Variants in SUGCT observed in about 807,000 individuals in gnomAD.
The protein encoded by SUGCT is succinyl-CoA:glutarate CoA-transferase.
A neutral mutation model predicts 55.0 loss-of-function variants in SUGCT; 41 were observed. The ratio of observed to expected loss-of-function variants is 0.74; its 90% CI spans 0.58 to 0.97. The LOEUF (loss-of-function observed/expected upper bound fraction) is 0.97. Among genes scored for constraint, SUGCT ranks in the 50% least tolerant of loss-of-function variants. The pLI is 0.00. For missense variants in SUGCT, 568 were observed against 547.8 expected, an observed-to-expected ratio of 1.04 and a Z score of -0.37; for synonymous variants, 187 against 200.4, an observed-to-expected ratio of 0.93 and a Z score of 0.56.
intron 12 of SUGCT, among the ~76,000 whole-genome samples, chr7:40,730,191 T>C (rs1168814805): frequency 2.6e-5 from 4 of 152,156 alleles, no homozygotes; most frequent in African/African-American, 9.7e-5. Flanking sequence ...CATTGCAAGC[T>C]CCGCCTCTCA....
At chr7:40,601,940 C>T (rs560819925) in intron 12 of SUGCT, among the ~76,000 whole-genome samples, 8 of 152,210 alleles carry the variant, frequency 5.3e-5, no homozygotes, top group African/African-American at 1.7e-4. Flanking sequence ...CCTGAGAGTT[C>T]GCATTTTAAA....
the SUGCT span, among the ~76,000 whole-genome samples, chr7:40,960,849 A>G: frequency 1.3e-5 from 2 of 152,228 alleles, no homozygotes; most frequent in South Asian, 2.1e-4. Context: ...AAGTTAATGC[A>G]TTAGTCCACA....
At chr7:40,187,441 A>T (rs7793901) in intron 3 of SUGCT, among the ~76,000 whole-genome samples, 15,814 of 152,060 alleles carry the variant, frequency 0.1, 2,627 homozygotes, top group African/African-American at 0.35. Context: ...ATAATAATAA[A>T]AAAAAAAAGA....
At chr7:40,872,764 C>T in the SUGCT span, among the ~76,000 whole-genome samples, 1 of 152,206 alleles carries the variant, frequency 6.6e-6, no homozygotes, top group Admixed American at 6.5e-5. Context: ...AACTGTACCC[C>T]TTTTGGGTAT....
At chr7:40,982,656 AT>A in the SUGCT span, among the ~76,000 whole-genome samples, 12 of 149,642 alleles carry the variant, frequency 8.0e-5, no homozygotes, top group East Asian at 3.9e-4. Context: ...TCTCTTTTTG[AT>A]TTTTTTTTTA....
chr7:40,913,449 A>T, the SUGCT span, among the ~76,000 whole-genome samples: 1 of 152,236 alleles, frequency 6.6e-6, no homozygotes, highest in East Asian at 1.9e-4. Context: ...ATAAAACAGT[A>T]CCCTTGCTAT....
chr7:40,997,694 A>G, the SUGCT span, among the ~76,000 whole-genome samples: 1 of 152,180 alleles, frequency 6.6e-6, no homozygotes, highest in African/African-American at 2.4e-5. Flanking sequence ...TTTCCCATGT[A>G]ATTTTGAAAT....
intron 9 of SUGCT, among the ~76,000 whole-genome samples, chr7:40,448,623 G>A (rs1471515483): frequency 1.3e-5 from 2 of 152,034 alleles, no homozygotes; most frequent in East Asian, 1.9e-4. Context: ...TGAGGTAAGC[G>A]GATCTCGAGC....
chr7:40,666,315 C>T (rs1007857143), intron 12 of SUGCT, among the ~76,000 whole-genome samples: 9 of 143,998 alleles, frequency 6.3e-5, no homozygotes, highest in African/African-American at 1.9e-4. Context: ...ACACCTTGCA[C>T]TCCAGCCTGG....
At chr7:40,991,110 C>T in the SUGCT span, among the ~76,000 whole-genome samples, 6 of 152,302 alleles carry the variant, frequency 3.9e-5, no homozygotes, top group South Asian at 2.1e-4. Flanking sequence ...TCATTTCCAG[C>T]GTTTGATTTA....
chr7:40,261,538 G>A (rs2150963176), intron 7 of SUGCT, among the ~76,000 whole-genome samples: 1 of 152,254 alleles, frequency 6.6e-6, no homozygotes, highest in East Asian at 1.9e-4. Context: ...AGGAAACAAT[G>A]CTAGCTCCTT....
intron 7 of SUGCT, among the ~76,000 whole-genome samples, chr7:40,270,417 A>G (rs2150987056): frequency 6.6e-6 from 1 of 152,212 alleles, no homozygotes; most frequent in African/African-American, 2.4e-5. Flanking sequence ...TTTTTGGTCC[A>G]TTTAGAGTCA....
At chr7:40,644,850 G>A (rs558316965) in intron 12 of SUGCT, among the ~76,000 whole-genome samples, 2 of 152,272 alleles carry the variant, frequency 1.3e-5, no homozygotes, top group South Asian at 2.1e-4. Context: ...GGGTTTACCC[G>A]AGTTGCTTTG....
chr7:40,639,901 C>A (rs980377231), intron 12 of SUGCT, among the ~76,000 whole-genome samples: 1 of 152,066 alleles, frequency 6.6e-6, no homozygotes, highest in Non-Finnish European at 1.5e-5. Context: ...TCAATAAATG[C>A]TTTTTATTAT....
intron 13 of SUGCT, among the ~76,000 whole-genome samples, chr7:40,771,152 G>GC (rs1789083169): frequency 6.6e-6 from 1 of 152,136 alleles, no homozygotes; most frequent in African/African-American, 2.4e-5. Flanking sequence ...ATGTAGCTGT[G>GC]TGTGTATGTT....
chr7:40,751,761 G>C (rs1488664501), intron 13 of SUGCT, among the ~76,000 whole-genome samples: 1 of 152,096 alleles, frequency 6.6e-6, no homozygotes, highest in Non-Finnish European at 1.5e-5. Flanking sequence ...TACAGGGGTT[G>C]GTATCCCCAA....
At chr7:40,512,076 T>C (rs1690334163) in intron 12 of SUGCT, among the ~76,000 whole-genome samples, 1 of 152,222 alleles carries the variant, frequency 6.6e-6, no homozygotes, top group Admixed American at 6.5e-5. Context: ...TTACAAAATG[T>C]AATTAAATGT....
rs59600362 is a variant in SUGCT, at chr7:40,569,806, T to C, written c.1089+73420T>C. 7.3e-3 allele frequency among the ~76,000 whole-genome samples: 1,115 copies of C among 152,354 alleles called. 55 individuals are homozygous for C. In the East Asian group the frequency reaches 0.12, roughly 16 times the overall value. On this transcript the variant is annotated intron_variant, in intron 12 of 13. Transcript: ENST00000335693. ...TTTGACCTGTGGTCTATTCTGATGA[T>C]AATCATTGCATTAAAAACCTTTTAA...
At chr7:40,961,531 A>G in the SUGCT span, among the ~76,000 whole-genome samples, 1 of 152,240 alleles carries the variant, frequency 6.6e-6, no homozygotes, top group African/African-American at 2.4e-5. Context: ...GGGGACTCAG[A>G]AAATCCCAGC....
Sources: gnomAD v4.1 joint callset for allele counts (sites outside exome capture counted in the v4.1 genomes callset) on GRCh38, gnomAD v4.1.1 for gene constraint, MANE v1.5 for transcripts, NCBI Gene and HGNC (gene_info 2026-07-23, HGNC 2026-07-21) for gene names.